The following R3HDM2 variants were observed in gnomAD, a reference collection of about 807,000 sequenced individuals.
R3HDM2 encodes R3H domain-containing protein 2.
In R3HDM2, 38 loss-of-function variants were observed where a neutral mutation model predicts 124.5. The observed-to-expected ratio is 0.31, with a 90% CI of 0.24 to 0.40. The LOEUF is 0.40. Among genes scored for constraint, R3HDM2 ranks in the 10% least tolerant of loss-of-function variants. R3HDM2 has a pLI of 1.00. For synonymous variants in R3HDM2, 391 were observed against 448.0 expected, an observed-to-expected ratio of 0.87 and a Z score of 1.61; for missense variants, 869 against 1,236.9, an observed-to-expected ratio of 0.70 and a Z score of 4.46.
intron 2 of R3HDM2, among the ~76,000 whole-genome samples, chr12:57,371,083 C>CTTTTATTTTT (rs2063313672): frequency 7.3e-5 from 3 of 40,886 alleles, no homozygotes; most frequent in Non-Finnish European, 8.8e-5. Context: ...TATACCATTA[C>CTTTTATTTTT]TTTTTTTTTT....
intron 2 of R3HDM2, among the ~76,000 whole-genome samples, chr12:57,383,457 C>T (rs550069593): frequency 2.6e-5 from 4 of 152,062 alleles, no homozygotes; most frequent in Non-Finnish European, 2.9e-5. Context: ...AATCCCAGCA[C>T]TTTGGAAGGC....
intron 3 of R3HDM2, chr12:57,304,547 A>G (rs973724960): frequency 2.3e-5 from 23 of 978,968 alleles, no homozygotes; most frequent in East Asian, 2.3e-4. Flanking sequence ...CACGGCCACA[A>G]TGCAAAATGG....
chr12:57,340,387 G>A (rs576911127), intron 2 of R3HDM2, among the ~76,000 whole-genome samples: 3 of 152,152 alleles, frequency 2.0e-5, no homozygotes, highest in Non-Finnish European at 2.9e-5. Flanking sequence ...CAAGATGCAA[G>A]GATGTGGTGG....
chr12:57,308,608 C>T (rs2053265340), intron 3 of R3HDM2, among the ~76,000 whole-genome samples: 1 of 151,960 alleles, frequency 6.6e-6, no homozygotes, highest in Non-Finnish European at 1.5e-5. Context: ...ATCGCTTGAA[C>T]CCGGGAGGCG....
chr12:57,381,493 C>T (rs1178700097), intron 2 of R3HDM2, among the ~76,000 whole-genome samples: 2 of 147,212 alleles, frequency 1.4e-5, no homozygotes, highest in East Asian at 2.0e-4. Context: ...TGCAGTGAGC[C>T]GAGATCGTAC....
chr12:57,385,007 C>T (rs1035730335), intron 2 of R3HDM2, among the ~76,000 whole-genome samples: 31 of 151,916 alleles, frequency 2.0e-4, no homozygotes, highest in African/African-American at 7.2e-4. Context: ...ATTAGCTGGA[C>T]GTTGTGGCAG....
intron 1 of R3HDM2, chr12:57,430,483 CCCCCTG>C: frequency 4.7e-6 from 4 of 846,550 alleles, no homozygotes; most frequent in African/African-American, 1.8e-5. Context: ...GTGGCGCCAC[CCCCCTG>C]CCCCCGCACC....
intron 1 of R3HDM2, among the ~76,000 whole-genome samples, chr12:57,410,835 A>G (rs1281517686): frequency 6.6e-6 from 1 of 152,230 alleles, no homozygotes; most frequent in South Asian, 2.1e-4. Flanking sequence ...CCTGAGTGAC[A>G]GAGCAAGACT....
chr12:57,347,623 T>G (rs1410656839), intron 2 of R3HDM2, among the ~76,000 whole-genome samples: 4 of 152,174 alleles, frequency 2.6e-5, no homozygotes, highest in Non-Finnish European at 5.9e-5. Flanking sequence ...TCCAAATACA[T>G]TTTTAAAAAT....
intron 2 of R3HDM2, among the ~76,000 whole-genome samples, chr12:57,328,815 A>G (rs1384395084): frequency 6.6e-6 from 1 of 152,186 alleles, no homozygotes; most frequent in African/African-American, 2.4e-5. Flanking sequence ...GTGCCTGGCC[A>G]GATTATTCAT....
intron 2 of R3HDM2, among the ~76,000 whole-genome samples, chr12:57,356,299 G>A (rs755037008): frequency 2.6e-4 from 39 of 151,838 alleles, no homozygotes; most frequent in Admixed American, 5.9e-4. Context: ...TAAACCCAGT[G>A]GTTCTTAAGG....
chr12:57,387,091 A>G (rs1594309488), intron 2 of R3HDM2, among the ~76,000 whole-genome samples: 2 of 152,084 alleles, frequency 1.3e-5, no homozygotes, highest in African/African-American at 4.8e-5. Flanking sequence ...TAAATGCACC[A>G]ATCAGCTCTC....
intron 2 of R3HDM2, among the ~76,000 whole-genome samples, chr12:57,382,796 A>G (rs1392933886): frequency 6.6e-6 from 1 of 151,818 alleles, no homozygotes; most frequent in Non-Finnish European, 1.5e-5. Context: ...AGATCATGCC[A>G]CTGCACTCCA....
intron 2 of R3HDM2, among the ~76,000 whole-genome samples, chr12:57,394,429 C>T (rs1289218713): frequency 4.0e-5 from 6 of 151,890 alleles, no homozygotes; most frequent in South Asian, 2.1e-4. Context: ...GCCAACATGG[C>T]GAAACCCCGT....
At chr12:57,273,365 G>A (rs1056152658) in intron 14 of R3HDM2, among the ~76,000 whole-genome samples, 4 of 152,198 alleles carry the variant, frequency 2.6e-5, no homozygotes, top group African/African-American at 9.7e-5. Flanking sequence ...CTAGTGGGTA[G>A]TTATTATTTT....
chr12:57,261,811 C>A, intron 19 of R3HDM2, among the ~76,000 whole-genome samples: 1 of 138,180 alleles, frequency 7.2e-6, no homozygotes, highest in Non-Finnish European at 1.5e-5. Flanking sequence ...TCCATATAAT[C>A]AGGTTGGGGG....
rs538362823 is a variant in R3HDM2, at chr12:57,318,608, A to G, written c.-35-8145T>C. The stretch of plus-strand genomic sequence containing the variant: ...GGTTGTGGTGAGCTGAGATCGTGCC[A>G]CCGCACTCCAGCCTGGGCAAACAAG... On this transcript the variant is annotated intron_variant, in intron 2 of 23. Transcript: ENST00000402412. Among the ~76,000 whole-genome samples, 88 of 151,918 alleles carry G rather than the reference A, an allele frequency of 5.8e-4. 1 individual carries two copies. Among genetic ancestry groups the G allele is most frequent in the African/African-American group, 2.0e-3 (82 of 41,440 alleles).
chr12:57,331,363 C>A (rs1042373751), intron 2 of R3HDM2, among the ~76,000 whole-genome samples: 48 of 152,178 alleles, frequency 3.2e-4, no homozygotes, highest in Admixed American at 9.8e-4. Flanking sequence ...CTATCTCTTA[C>A]AAAACCCCAA....
At chr12:57,259,928 G>A (rs1227215759) in intron 19 of R3HDM2, among the ~76,000 whole-genome samples, 1 of 152,098 alleles carries the variant, frequency 6.6e-6, no homozygotes, top group Non-Finnish European at 1.5e-5. Flanking sequence ...CCAAATGTAG[G>A]ATAGCTAGGG....
Sources: allele counts gnomAD v4.1 joint callset (sites outside exome capture counted in the v4.1 genomes callset), GRCh38; gene constraint gnomAD v4.1.1; transcripts MANE v1.5; gene names NCBI Gene and HGNC (gene_info 2026-07-23, HGNC 2026-07-21).